CYLD: variants seen among roughly 807,000 people sequenced by gnomAD.
CYLD encodes ubiquitin carboxyl-terminal hydrolase CYLD.
Under a neutral mutation model 104.5 loss-of-function variants are expected in CYLD, and 26 were observed. That is an observed-to-expected ratio of 0.25 (90% CI 0.18 to 0.35). The LOEUF (loss-of-function observed/expected upper bound fraction) is 0.35, where lower values mean the gene tolerates loss of function less well. Ranked by LOEUF, CYLD falls within the 10% of genes least tolerant of loss-of-function variation. The pLI is 1.00. For synonymous variants in CYLD, 385 were observed against 399.9 expected (o/e 0.96, Z 0.45); for missense variants, 703 against 1,136.1 (o/e 0.62, Z 5.48).
At chr16:50,755,024 CATATATATGTATATATACATA>C (rs1966901661) in intron 5 of CYLD, among the ~76,000 whole-genome samples, 1 of 96,574 alleles carries the variant, frequency 1.0e-5, no homozygotes, top group African/African-American at 4.1e-5. Flanking sequence ...TGTATATATA[CATATATATGTATATATACATA>C]TATATGTATA....
chr16:50,782,493 A>T (rs768395376), intron 11 of CYLD, 27 bp downstream of exon 11: 1 of 1,611,950 alleles, frequency 6.2e-7, no homozygotes, highest in Non-Finnish European at 8.5e-7. Flanking sequence ...TGCAATAGGT[A>T]TAGATAGTGC....
chr16:50,779,407 A>G (rs927722662), intron 8 of CYLD, among the ~76,000 whole-genome samples: 2 of 152,062 alleles, frequency 1.3e-5, no homozygotes, highest in Non-Finnish European at 2.9e-5. Flanking sequence ...AAAGACTATC[A>G]CGTATACGAT....
At position 50,796,383 on chromosome 16, in the gene CYLD, T is replaced by C; in HGVS notation, c.2746T>C (p.Leu916=). The part of the protein sequence containing the change: ...VTPCPEVGEY[L]KMSLEDLHSL... ...CCCATGCCCAGAAGTAGGAGAGTAC[T>C]TGAAGATGTCTCTGGAAGACCTGCA... is the stretch of plus-strand genomic sequence containing the variant. The change falls in exon 19 of 19, where the codon TTG becomes CTG. Residue 916 remains leucine, a synonymous_variant. Coordinates refer to ENST00000427738, the MANE Select transcript of CYLD (RefSeq NM_001378743.1). 1.2e-6 allele frequency: 2 copies of C among 1,614,164 alleles called. No homozygotes were observed. The highest frequency in any genetic ancestry group is 1.7e-5 in the Admixed American group (1 of 60,024).
intron 6 of CYLD, among the ~76,000 whole-genome samples, chr16:50,775,605 T>C (rs1160856488): frequency 6.6e-6 from 1 of 152,204 alleles, no homozygotes; most frequent in Non-Finnish European, 1.5e-5. Context: ...TCAAACTGTG[T>C]TCATGAAATA....
intron 5 of CYLD, among the ~76,000 whole-genome samples, chr16:50,760,951 T>C (rs1967847811): frequency 6.6e-6 from 1 of 152,202 alleles, no homozygotes; most frequent in South Asian, 2.1e-4. Context: ...CATGAGAGTG[T>C]GTTACTAACT....
chr16:50,747,256 A>G (rs1272793858), intron 2 of CYLD, among the ~76,000 whole-genome samples: 4 of 152,226 alleles, frequency 2.6e-5, no homozygotes, highest in Admixed American at 2.6e-4. Flanking sequence ...AAACACACAA[A>G]CATATTTCAC....
At chr16:50,792,931 G>C (rs1174737843) in intron 16 of CYLD, among the ~76,000 whole-genome samples, 1 of 152,100 alleles carries the variant, frequency 6.6e-6, no homozygotes, top group Non-Finnish European at 1.5e-5. Flanking sequence ...ATTATTATAT[G>C]ATTAAGAAAT....
chr16:50,797,041 A>G lies in CYLD; in HGVS notation c.*533A>G, dbSNP rs1321226488. The G allele has an allele frequency of 4.2e-6, 1 of 237,662 alleles. No individual in the cohort carries two copies. 14.7% of individuals were successfully genotyped at this position (237,662 alleles called of 1,614,324 possible). On this transcript the variant is annotated 3_prime_UTR_variant, in exon 19 of 19. Transcript: ENST00000427738. ...ATACTGCTGATCTTGCATGTCTACA[A>G]TCTGCTCAGTTTTTCTGTGTTTCTG...
rs577078784 is a variant in CYLD at position 50,795,196 on chromosome 16, T to C, written c.2686+768T>C. 2.0e-5 allele frequency among the ~76,000 whole-genome samples: 3 copies of C among 152,332 alleles called. No individual in the cohort carries two copies. The East Asian group carries it at 5.8e-4, about 29-fold the overall frequency. On this transcript the variant is annotated intron_variant, in intron 18 of 18. Coordinates refer to ENST00000427738, the MANE Select transcript of CYLD (RefSeq NM_001378743.1). ...TTTGTGTTTAACTCAGTCTTTCTGA[T>C]CTCAGTGCATATGTTTTTTTGTACT...
At position 50,798,425 on chromosome 16, in the gene CYLD, T is replaced by G. The variant is rs1481954943; in HGVS notation, c.*1917T>G. The G allele has an allele frequency of 4.3e-6, 1 of 232,136 alleles. No individual in the cohort carries two copies. Among genetic ancestry groups the G allele is most frequent in the African/African-American group, 2.2e-5 (1 of 45,272 alleles). 14.4% of individuals were successfully genotyped at this position (232,136 alleles called of 1,614,324 possible). A position where few individuals can be genotyped will look rare whatever the true frequency, so the allele number is the denominator to read the frequency against. On this transcript the variant is annotated 3_prime_UTR_variant, in exon 19 of 19. Coordinates refer to ENST00000427738, the MANE Select transcript of CYLD (RefSeq NM_001378743.1). ...ATGTAGCATTTACATTTATTAGGTATTATAAGTAATCTAGAGATTATTTAA... is the reference window on the plus strand; with the variant it reads ...ATGTAGCATTTACATTTATTAGGTAGTATAAGTAATCTAGAGATTATTTAA...
chr16:50,754,599 C>T (rs1480301251), intron 5 of CYLD, 175 bp downstream of exon 5: 5 of 573,562 alleles, frequency 8.7e-6, no homozygotes, highest in Non-Finnish European at 1.5e-5. Context: ...ACTCCGTACC[C>T]CATGTGTAGT....
intron 5 of CYLD, among the ~76,000 whole-genome samples, chr16:50,766,353 T>C (rs111229476): frequency 0.085 from 12,953 of 152,238 alleles, 709 homozygotes; most frequent in South Asian, 0.24. Context: ...TGAGACCTAC[T>C]GCTCAGAAAA....
At chr16:50,787,910 C>G in intron 14 of CYLD, 58 bp downstream of exon 14, 1 of 986,510 alleles carries the variant, frequency 1.0e-6, no homozygotes, top group South Asian at 1.4e-5. Flanking sequence ...ATTTCTACTG[C>G]CATTATTCAA....
intron 15 of CYLD, among the ~76,000 whole-genome samples, chr16:50,792,039 C>A (rs11866167): frequency 0.051 from 7,725 of 152,048 alleles, 622 homozygotes; most frequent in African/African-American, 0.17. Flanking sequence ...TGTTTACTTC[C>A]CCCCTTCATT....
intron 5 of CYLD, among the ~76,000 whole-genome samples, 193 bp downstream of exon 5, chr16:50,754,617 C>T (rs1211836238): frequency 2.0e-5 from 3 of 150,652 alleles, no homozygotes; most frequent in Non-Finnish European, 4.4e-5. Flanking sequence ...AGTCTTTTAC[C>T]CCTTGCCACC....
In CYLD at chr16:50,798,232, G is replaced by GA. The variant is rs1972202296; in HGVS notation, c.*1726dup. 2 of 232,082 alleles carry GA rather than the reference G, an allele frequency of 8.6e-6. No homozygotes were observed. The highest frequency in any genetic ancestry group is 1.7e-5 in the Non-Finnish European group (2 of 117,390). The allele number at this position is 232,082 out of a possible 1,614,324, so 14.4% of individuals were successfully genotyped here. On this transcript the variant is annotated 3_prime_UTR_variant, in exon 19 of 19. Coordinates refer to ENST00000427738, the MANE Select transcript of CYLD (RefSeq NM_001378743.1). ...ATTGACTACCTGGAGGAATGATTAGGAATCTAAATGAAGCCAGCCCTCGGT... is the reference window on the plus strand; with the variant it reads ...ATTGACTACCTGGAGGAATGATTAGGAAATCTAAATGAAGCCAGCCCTCGGT...
chr16:50,775,156 T>C lies in CYLD; in HGVS notation c.914-10T>C. The C allele has an allele frequency of 6.3e-7, 1 of 1,597,090 alleles. No homozygotes were observed. Among genetic ancestry groups the C allele is most frequent in the South Asian group, 1.1e-5 (1 of 90,886 alleles). On this transcript the variant is annotated splice_polypyrimidine_tract_variant and intron_variant, in intron 5 of 18. Transcript: ENST00000427738. ...CCACTGTGGGTGATATCGTTTTTGC[T>C]GACACACAGCTTTATCAGGTATGAC...
intron 2 of CYLD, among the ~76,000 whole-genome samples, chr16:50,747,797 G>T (rs1966318579): frequency 6.6e-6 from 1 of 152,192 alleles, no homozygotes; most frequent in African/African-American, 2.4e-5. Flanking sequence ...CAAAAAAGAA[G>T]AAAAGAGAAC....
chr16:50,776,121 T>G (rs564891821), intron 6 of CYLD, 58 bp from the exon 7 acceptor site: 5 of 1,239,490 alleles, frequency 4.0e-6, no homozygotes, highest in South Asian at 3.6e-5. Context: ...CTGTCATTCC[T>G]TGTTTCTCTT....
Sources: allele counts gnomAD v4.1 joint callset (sites outside exome capture counted in the v4.1 genomes callset), GRCh38; gene constraint gnomAD v4.1.1; transcripts MANE v1.5; gene names NCBI Gene and HGNC (gene_info 2026-07-23, HGNC 2026-07-21).